The following MICU2 variants were observed in gnomAD, a reference collection of about 807,000 sequenced individuals.
MICU2 encodes the protein calcium uptake protein 2, mitochondrial.
A neutral mutation model predicts 60.4 loss-of-function variants in MICU2; 64 were observed. That is an observed-to-expected ratio of 1.06 (90% CI 0.87 to 1.31). The LOEUF (loss-of-function observed/expected upper bound fraction) is 1.31. Ranked by LOEUF, MICU2 falls within the 50% of genes most tolerant of loss-of-function variation. The pLI is 0.00. For missense variants in MICU2, 569 were observed against 531.0 expected, an observed-to-expected ratio of 1.07 and a Z score of -0.70; for synonymous variants, 201 against 175.0, an observed-to-expected ratio of 1.15 and a Z score of -1.17.
chr13:21,570,470 C>G (rs1483996389), intron 1 of MICU2, among the ~76,000 whole-genome samples: 2 of 152,108 alleles, frequency 1.3e-5, no homozygotes, highest in Non-Finnish European at 2.9e-5. Flanking sequence ...CTGATCAAAT[C>G]CCAGACTTGA....
intron 1 of MICU2, among the ~76,000 whole-genome samples, chr13:21,577,182 T>C (rs1317108454): frequency 6.6e-6 from 1 of 152,220 alleles, no homozygotes; most frequent in African/African-American, 2.4e-5. Flanking sequence ...CTAAAACAGA[T>C]TTGACTTGCT....
chr13:21,507,759 T>C (rs1430706609), intron 8 of MICU2, among the ~76,000 whole-genome samples: 1 of 151,146 alleles, frequency 6.6e-6, no homozygotes, highest in African/African-American at 2.4e-5. Flanking sequence ...GCCTGCCACC[T>C]CGCCCGGCTA....
chr13:21,580,619 G>A (rs938019947), intron 1 of MICU2, among the ~76,000 whole-genome samples: 5 of 90,520 alleles, frequency 5.5e-5, no homozygotes, highest in African/African-American at 1.4e-4. Flanking sequence ...TTAAATATTT[G>A]AAAACTCAAA....
Position 21,567,031 on chromosome 13 carries a change from G to A in MICU2, c.211-87C>T, listed in dbSNP as rs1306751468. On this transcript the variant is annotated intron_variant, in intron 1 of 11. Transcript: ENST00000382374. The stretch of plus-strand genomic sequence containing the variant: ...ACAATCTTTAAAAAGTAACTTTCAC[G>A]CTTGGATCTGACAATCCCCAAACTT... The A allele has an allele frequency of 2.6e-5, 29 of 1,136,226 alleles. No homozygotes were observed. The East Asian group carries it at 6.8e-4, about 27-fold the overall frequency. The allele number at this position is 1,136,226 out of a possible 1,614,324, so 70.4% of individuals were successfully genotyped here.
At chr13:21,556,189 G>A (rs934648920) in intron 2 of MICU2, among the ~76,000 whole-genome samples, 3 of 152,206 alleles carry the variant, frequency 2.0e-5, no homozygotes, top group Admixed American at 1.3e-4. Flanking sequence ...TCTTATAAAG[G>A]TCACCAATAA....
intron 1 of MICU2, among the ~76,000 whole-genome samples, chr13:21,601,904 G>A (rs1353927861): frequency 1.3e-5 from 2 of 151,812 alleles, no homozygotes; most frequent in African/African-American, 4.8e-5. Context: ...AGGAGATCGA[G>A]ACCATCCTGG....
chr13:21,594,443 T>C (rs909956777), intron 1 of MICU2, among the ~76,000 whole-genome samples: 1 of 152,192 alleles, frequency 6.6e-6, no homozygotes, highest in Admixed American at 6.5e-5. Flanking sequence ...GAGTGTAAAT[T>C]AGTTCAACTA....
chr13:21,575,985 T>C (rs185268930), intron 1 of MICU2, among the ~76,000 whole-genome samples: 20 of 152,284 alleles, frequency 1.3e-4, no homozygotes, highest in Middle Eastern at 3.4e-3. Flanking sequence ...CTTACAGAGA[T>C]AAAATGGTGG....
At chr13:21,583,598 T>C (rs1028510855) in intron 1 of MICU2, among the ~76,000 whole-genome samples, 1 of 152,208 alleles carries the variant, frequency 6.6e-6, no homozygotes, top group Non-Finnish European at 1.5e-5. Context: ...TGCTCAGCTG[T>C]TTCCTGTTTT....
In MICU2 at chr13:21,496,180, T is replaced by C. The variant is rs1885992308; in HGVS notation, c.934-20A>G. 6.4e-7 allele frequency: 1 copy of C among 1,557,628 alleles called. No homozygotes were observed. The highest frequency in any genetic ancestry group is 1.1e-5 in the South Asian group (1 of 87,296). On this transcript the variant is annotated intron_variant, in intron 9 of 11. Coordinates refer to ENST00000382374, the MANE Select transcript of MICU2 (RefSeq NM_152726.3). The stretch of plus-strand genomic sequence containing the variant: ...AATGCTCTAATAAAGTAAGAGTTTT[T>C]ATTACAATTTTGTAAGTACATTAAA...
intron 1 of MICU2, chr13:21,602,693 A>T (rs1272167751): frequency 6.6e-6 from 1 of 152,200 alleles, no homozygotes; most frequent in Non-Finnish European, 1.5e-5. Context: ...ATTATAATGT[A>T]TGTTAATACA....
chr13:21,524,292 A>G (rs191980605), intron 4 of MICU2, among the ~76,000 whole-genome samples: 54 of 152,258 alleles, frequency 3.5e-4, no homozygotes, highest in Middle Eastern at 3.4e-3. Flanking sequence ...CAGCACCAAT[A>G]ATTATCAATT....
At chr13:21,568,718 T>C (rs1426350721) in intron 1 of MICU2, among the ~76,000 whole-genome samples, 1 of 152,168 alleles carries the variant, frequency 6.6e-6, no homozygotes, top group Admixed American at 6.6e-5. Context: ...CTTCTGATTG[T>C]CCTTTAACTT....
intron 2 of MICU2, among the ~76,000 whole-genome samples, chr13:21,561,070 G>A (rs569352330): frequency 6.6e-6 from 1 of 152,272 alleles, no homozygotes; most frequent in South Asian, 2.1e-4. Flanking sequence ...ATTTAAAAGT[G>A]TGTCATTTAA....
intron 9 of MICU2, among the ~76,000 whole-genome samples, chr13:21,498,815 A>G (rs563877864): frequency 1.0e-5 from 1 of 95,542 alleles, no homozygotes; most frequent in Non-Finnish European, 2.3e-5. Context: ...TAGAGAGGGA[A>G]AAAAGGAAAA....
chr13:21,513,574 C>T (rs1271187675), intron 7 of MICU2, among the ~76,000 whole-genome samples: 1 of 151,556 alleles, frequency 6.6e-6, no homozygotes, highest in Non-Finnish European at 1.5e-5. Context: ...CCTGTCTCTA[C>T]TAAATACAAA....
At chr13:21,599,847 T>A (rs564986124) in intron 1 of MICU2, among the ~76,000 whole-genome samples, 17 of 152,234 alleles carry the variant, frequency 1.1e-4, no homozygotes, top group Non-Finnish European at 2.4e-4. Context: ...GTTTAAAAAG[T>A]GTTTTCATTT....
At chr13:21,538,414 TA>T (rs896175506) in intron 4 of MICU2, among the ~76,000 whole-genome samples, 1 of 151,034 alleles carries the variant, frequency 6.6e-6, no homozygotes, top group African/African-American at 2.4e-5. Context: ...ATACTAAAAT[TA>T]AAAAAAATTA....
At chr13:21,602,058 G>A (rs1487540893) in intron 1 of MICU2, among the ~76,000 whole-genome samples, 7 of 151,224 alleles carry the variant, frequency 4.6e-5, no homozygotes, top group Admixed American at 6.6e-5. Context: ...GTAGTGAGCC[G>A]GGATCACGCC....
Sources: allele counts gnomAD v4.1 joint callset (sites outside exome capture counted in the v4.1 genomes callset), GRCh38; gene constraint gnomAD v4.1.1; transcripts MANE v1.5; gene names NCBI Gene and HGNC (gene_info 2026-07-23, HGNC 2026-07-21).